Variants in ABCB11 observed in about 807,000 individuals in gnomAD.
ABCB11 encodes the protein ATP binding cassette subfamily B member 11.
ABCB11 carries 95 observed loss-of-function variants against 148.0 expected under a neutral mutation model. The ratio of observed to expected loss-of-function variants is 0.64; its 90% confidence interval spans 0.54 to 0.76. The LOEUF is 0.76. Ranked by LOEUF, ABCB11 falls within the 30% of genes least tolerant of loss-of-function variation. The pLI, the probability that ABCB11 is intolerant of heterozygous loss-of-function variation, is 0.00. For missense variants in ABCB11, 1,523 were observed against 1,617.8 expected (o/e 0.94, Z 1.01); for synonymous variants, 591 against 555.4 (o/e 1.06, Z -0.90).
intron 5 of ABCB11, among the ~76,000 whole-genome samples, chr2:169,007,635 G>T (rs1462008179): frequency 2.0e-5 from 3 of 152,150 alleles, no homozygotes; most frequent in Non-Finnish European, 4.4e-5. Context: ...TCTTAGATAT[G>T]ACACCAATTC....
chr2:169,008,361 CT>C (rs1309673727), intron 5 of ABCB11, among the ~76,000 whole-genome samples: 2 of 152,126 alleles, frequency 1.3e-5, no homozygotes, highest in Non-Finnish European at 2.9e-5. Flanking sequence ...TCATTCCATT[CT>C]TTTTTTCTGT....
Position 168,995,453 on chromosome 2 carries a change from A to T in ABCB11, c.507T>A (p.Arg169=). The part of the protein sequence containing the change: ...QICFWVIAAA[R]QIQKMRKFYF... ...AAAATTTTCTCATTTTCTGTATCTG[A>T]CGAGCTGCGGCAATGACCCAAAAGC... The change falls in exon 7 of 28, where the codon CGT becomes CGA. Residue 169 remains arginine, a synonymous_variant. Transcript: ENST00000650372. 1.9e-6 allele frequency: 3 copies of T among 1,611,980 alleles called. No homozygotes were observed. Among genetic ancestry groups the T allele is most frequent in the Non-Finnish European group, 2.5e-6 (3 of 1,178,796 alleles).
intron 17 of ABCB11, among the ~76,000 whole-genome samples, chr2:168,967,930 G>A (rs1693386014): frequency 1.3e-5 from 2 of 151,858 alleles, no homozygotes; most frequent in South Asian, 4.1e-4. Flanking sequence ...TTATTTTTAA[G>A]TGCTAAAAAA....
chr2:168,962,244 G>T (rs1187937457), intron 18 of ABCB11, among the ~76,000 whole-genome samples: 1 of 151,622 alleles, frequency 6.6e-6, no homozygotes, highest in African/African-American at 2.4e-5. Flanking sequence ...TAACTAGAGA[G>T]AACGTAAAGT....
chr2:168,936,505 G>C (rs377089992), intron 21 of ABCB11, 72 bp from the exon 22 acceptor site: 2 of 1,412,122 alleles, frequency 1.4e-6, no homozygotes, highest in African/African-American at 1.4e-5. Flanking sequence ...ACACAAAAAG[G>C]TCAGACCTTT....
chr2:168,996,743 T>C (rs1694728134), intron 5 of ABCB11, 21 bp from the exon 6 acceptor site: 1 of 1,493,462 alleles, frequency 6.7e-7, no homozygotes. Context: ...GGGAAAAGAA[T>C]GTTCAGACTT....
intron 5 of ABCB11, among the ~76,000 whole-genome samples, chr2:169,009,272 T>C (rs577208945): frequency 4.1e-4 from 63 of 152,092 alleles, no homozygotes; most frequent in Non-Finnish European, 7.9e-4. Flanking sequence ...TAAGGATACA[T>C]GCACACGTAT....
intron 19 of ABCB11, among the ~76,000 whole-genome samples, chr2:168,949,026 G>T (rs1451369450): frequency 6.6e-6 from 1 of 151,572 alleles, no homozygotes; most frequent in African/African-American, 2.4e-5. Context: ...GTGATATGTT[G>T]GCAAATTCTA....
intron 19 of ABCB11, among the ~76,000 whole-genome samples, chr2:168,947,435 T>C (rs1692375000): frequency 2.0e-5 from 3 of 151,456 alleles, no homozygotes; most frequent in Non-Finnish European, 4.4e-5. Flanking sequence ...ACAGGGAAAG[T>C]GAAGCAGACA....
intron 19 of ABCB11, among the ~76,000 whole-genome samples, chr2:168,950,136 T>TAC (rs796123814): frequency 0.16 from 16,272 of 98,854 alleles, 979 homozygotes; most frequent in East Asian, 0.47. Context: ...CCCATATATA[T>TAC]ATATACACAC....
intron 5 of ABCB11, among the ~76,000 whole-genome samples, chr2:168,999,133 T>G (rs1030141121): frequency 2.0e-5 from 3 of 152,002 alleles, no homozygotes; most frequent in Admixed American, 6.6e-5. Flanking sequence ...TTGAATGAAT[T>G]AAGATTCCCC....
rs188581389 is a variant in ABCB11, at chr2:168,932,880, C to A, written c.3057-347G>T. ...ATCCCAGCACCTTGGGAGGCCGAGG[C>A]GGGCGGATCACGAGGTCAGAAGATC... On this transcript the variant is annotated intron_variant, in intron 23 of 27. Transcript: ENST00000650372. 3.7e-3 allele frequency among the ~76,000 whole-genome samples: 559 copies of A among 152,118 alleles called. 2 individuals are homozygous for A. The highest frequency in any genetic ancestry group is 0.013 in the African/African-American group (534 of 41,494).
In ABCB11 at chr2:168,973,805, C is replaced by T. The variant is rs1304842406; in HGVS notation, c.1344G>A (p.Gly448=). 1 of 1,611,884 alleles carries T rather than the reference C, an allele frequency of 6.2e-7. No homozygotes were observed. The highest frequency in any genetic ancestry group is 1.7e-5 in the Admixed American group (1 of 59,852). ...TGGGTCCTACCAGAGCTGTCATTTC[C>T]CCTGGTTTAATGACCATGTTGAGGT... ...LNDLNMVIKP[G]EMTALVGPSG... The change falls in exon 13 of 28, where the codon GGG becomes GGA. Residue 448 remains glycine (G), a synonymous_variant. Coordinates refer to ENST00000650372, the MANE Select transcript of ABCB11 (RefSeq NM_003742.4).
chr2:168,917,184 T>C (rs1690957395), downstream of ABCB11, among the ~76,000 whole-genome samples: 1 of 116,054 alleles, frequency 8.6e-6, no homozygotes, highest in Admixed American at 9.0e-5. Flanking sequence ...AGTAACTATA[T>C]AAAAAAGAGT....
chr2:168,979,741 G>T, intron 11 of ABCB11, 125 bp downstream of exon 11: 2 of 399,416 alleles, frequency 5.0e-6, no homozygotes, highest in Non-Finnish European at 9.3e-6. Context: ...AAGTGTTGCT[G>T]AATTAAGGGC....
intron 2 of ABCB11, among the ~76,000 whole-genome samples, chr2:169,017,575 T>C (rs2106057082): frequency 1.3e-5 from 2 of 152,298 alleles, no homozygotes; most frequent in East Asian, 3.9e-4. Flanking sequence ...TTTTGTCATC[T>C]GTAAAATGTA....
At chr2:168,948,908 A>C (rs1341300895) in intron 19 of ABCB11, among the ~76,000 whole-genome samples, 1 of 151,556 alleles carries the variant, frequency 6.6e-6, no homozygotes, top group African/African-American at 2.4e-5. Context: ...TTTCTGTACA[A>C]CTCATGCTTG....
intron 26 of ABCB11, among the ~76,000 whole-genome samples, chr2:168,926,772 A>C (rs1691332593): frequency 1.3e-5 from 2 of 152,188 alleles, no homozygotes; most frequent in Non-Finnish European, 2.9e-5. Flanking sequence ...TTGGGACCAG[A>C]AACGTTTCAG....
intron 17 of ABCB11, among the ~76,000 whole-genome samples, chr2:168,966,285 AG>A (rs1467659449): frequency 6.6e-6 from 1 of 151,894 alleles, no homozygotes; most frequent in African/African-American, 2.4e-5. Context: ...GGAGCAGGAG[AG>A]GCCATCAACA....
Sources: gnomAD v4.1 joint callset for allele counts (sites outside exome capture counted in the v4.1 genomes callset) on GRCh38, gnomAD v4.1.1 for gene constraint, MANE v1.5 for transcripts, NCBI Gene and HGNC (gene_info 2026-07-23, HGNC 2026-07-21) for gene names.